The following UNC79 variants were observed in gnomAD, a reference collection of about 807,000 sequenced individuals.
UNC79 encodes unc-79 subunit of NALCN channel complex.
Under a neutral mutation model 283.1 loss-of-function variants are expected in UNC79, and 37 were observed. That is an observed-to-expected ratio of 0.13 (90% CI 0.10 to 0.17). The LOEUF (loss-of-function observed/expected upper bound fraction) is 0.17, where lower values mean the gene tolerates loss of function less well. UNC79 is among the 10% of genes least tolerant of loss of function. The pLI is 1.00. For missense variants in UNC79, 2,272 were observed against 3,211.1 expected (o/e 0.71, Z 7.07); for synonymous variants, 1,107 against 1,200.2 (o/e 0.92, Z 1.61).
intron 11 of UNC79, among the ~76,000 whole-genome samples, chr14:93,534,574 C>T (rs2060980677): frequency 6.6e-6 from 1 of 152,196 alleles, no homozygotes; most frequent in Non-Finnish European, 1.5e-5. Context: ...CCTGTTATAG[C>T]TGAGAGCCTC....
intron 1 of UNC79, among the ~76,000 whole-genome samples, chr14:93,337,456 A>T (rs549978221): frequency 6.6e-6 from 1 of 152,088 alleles, no homozygotes; most frequent in African/African-American, 2.4e-5. Context: ...ATGGTGACAT[A>T]CTCCCAGACT....
Position 93,576,359 on chromosome 14 carries a change from C to T in UNC79, c.2211+1161C>T, listed in dbSNP as rs74073822. Among the ~76,000 whole-genome samples, 1,503 of 152,164 alleles carry T rather than the reference C, an allele frequency of 9.9e-3. 16 individuals are homozygous for T. Among genetic ancestry groups the T allele is most frequent in the African/African-American group, 0.034 (1,410 of 41,506 alleles). The stretch of plus-strand genomic sequence containing the variant: ...TACCTAGGTGATAGGTTCAATCATA[C>T]CCCAAACCTCAGCATCATGCAATAT... On this transcript the variant is annotated intron_variant, in intron 17 of 48. Transcript: ENST00000555664.
intron 41 of UNC79, among the ~76,000 whole-genome samples, chr14:93,680,721 G>T (rs775416978): frequency 6.6e-6 from 1 of 152,150 alleles, no homozygotes; most frequent in Non-Finnish European, 1.5e-5. Context: ...AGCCTCCTGA[G>T]TAGCTGGGTT....
chr14:93,464,427 C>G (rs2057079164), intron 1 of UNC79: 1 of 429,272 alleles, frequency 2.3e-6, no homozygotes, highest in African/African-American at 2.0e-5. Context: ...TCCTAATCTC[C>G]TCTTAAAAGG....
chr14:93,556,636 G>A (rs946036046), intron 14 of UNC79, among the ~76,000 whole-genome samples: 2 of 151,656 alleles, frequency 1.3e-5, no homozygotes, highest in African/African-American at 4.8e-5. Flanking sequence ...CAGTGAGGGC[G>A]TGTGTGCCAG....
At chr14:93,456,601 T>C (rs1258004624) in intron 1 of UNC79, among the ~76,000 whole-genome samples, 1 of 152,160 alleles carries the variant, frequency 6.6e-6, no homozygotes, top group African/African-American at 2.4e-5. Flanking sequence ...CTCCTAAGAT[T>C]ATTTTTCCCA....
chr14:93,642,629 G>T (rs1158786926), intron 33 of UNC79, among the ~76,000 whole-genome samples: 1 of 152,012 alleles, frequency 6.6e-6, no homozygotes. Context: ...CTTCCTTTGG[G>T]ATTACCCCGC....
At chr14:93,615,780 A>G (rs747488306) in intron 27 of UNC79, among the ~76,000 whole-genome samples, 83 of 150,222 alleles carry the variant, frequency 5.5e-4, no homozygotes, top group Non-Finnish European at 9.8e-4. Flanking sequence ...AAAAAGAAAT[A>G]TAAGCTAAAA....
chr14:93,665,166 C>T (rs1052981866), intron 40 of UNC79, among the ~76,000 whole-genome samples: 1 of 148,336 alleles, frequency 6.7e-6, no homozygotes, highest in Non-Finnish European at 1.5e-5. Context: ...AATGACTATA[C>T]TTTAAATGAT....
At chr14:93,458,366 T>G (rs904786867) in intron 1 of UNC79, among the ~76,000 whole-genome samples, 8 of 152,252 alleles carry the variant, frequency 5.3e-5, no homozygotes, top group Non-Finnish European at 1.2e-4. Flanking sequence ...TTAAATGATT[T>G]GCTTGAAGTC....
chr14:93,582,340 T>C (rs745577134), exon 20 of UNC79: 2 of 1,613,822 alleles, frequency 1.2e-6, no homozygotes, highest in Admixed American at 1.7e-5. Flanking sequence ...CCGTGGAACA[T>C]GCTGGTAGGT....
chr14:93,617,891 C>T lies in UNC79; in HGVS notation c.4225-301C>T, dbSNP rs537797410. Among the ~76,000 whole-genome samples, 13 of 152,092 alleles carry T rather than the reference C, an allele frequency of 8.5e-5. No homozygotes were observed. Among genetic ancestry groups the T allele is most frequent in the Admixed American group, 7.2e-4 (11 of 15,268 alleles). Reference sequence around the variant, plus strand: ...AATCCCATCTCTACAAAAAATTAGCCAAGCATGGTTGCACGTGCCTGGTCC... The same window carrying T: ...AATCCCATCTCTACAAAAAATTAGCTAAGCATGGTTGCACGTGCCTGGTCC... On this transcript the variant is annotated intron_variant, in intron 28 of 48. Coordinates refer to ENST00000555664, the Ensembl canonical transcript of UNC79. The surrounding 1 kb of genome is among the most constrained non-coding windows in gnomAD (Gnocchi z 4.5).
intron 35 of UNC79, among the ~76,000 whole-genome samples, chr14:93,653,437 G>T (rs1162015978): frequency 6.6e-6 from 1 of 151,950 alleles, no homozygotes; most frequent in Non-Finnish European, 1.5e-5. Context: ...AGTCTTGACT[G>T]TCATTCTGTG....
At chr14:93,674,584 A>T (rs1056092234) in intron 41 of UNC79, among the ~76,000 whole-genome samples, 2 of 152,192 alleles carry the variant, frequency 1.3e-5, no homozygotes, top group African/African-American at 4.8e-5. Context: ...GCACTCGCTG[A>T]TGAGCATTAA....
intron 1 of UNC79, among the ~76,000 whole-genome samples, chr14:93,407,986 AC>A (rs1443820284): frequency 6.6e-6 from 1 of 152,154 alleles, no homozygotes; most frequent in Non-Finnish European, 1.5e-5. Flanking sequence ...CCAAATAAAC[AC>A]AAAACTGCAC....
At chr14:93,362,625 G>T (rs996491049) in intron 1 of UNC79, among the ~76,000 whole-genome samples, 1 of 152,308 alleles carries the variant, frequency 6.6e-6, no homozygotes, top group East Asian at 1.9e-4. Context: ...TGGGATTACA[G>T]ATGTTAGCCA....
chr14:93,517,429 C>T (rs1214217277), intron 7 of UNC79, among the ~76,000 whole-genome samples: 1 of 145,912 alleles, frequency 6.9e-6, no homozygotes, highest in African/African-American at 2.5e-5. Context: ...AGTATTTGGG[C>T]TTTCACCATT....
At chr14:93,597,278 A>T (rs1242429962) in intron 23 of UNC79, 81 bp from the exon 24 acceptor site, 17 of 1,466,344 alleles carry the variant, frequency 1.2e-5, no homozygotes, top group Non-Finnish European at 1.6e-5. Context: ...TTCAGTTCTC[A>T]GACTGGCTAA....
At position 93,439,031 on chromosome 14, in the gene UNC79, T is replaced by C. The variant is rs556627074; in HGVS notation, c.22+7980T>C. ...TTTAAAATTTTGAATACATGAAGGC[T>C]ATTGAGTTTTTGTATGCTGATTTTA... On this transcript the variant is annotated intron_variant, in intron 1 of 48. Transcript: ENST00000555664. Among the ~76,000 whole-genome samples the C allele has an allele frequency of 4.9e-3, 742 of 152,236 alleles. 5 individuals carry two copies. Among genetic ancestry groups the C allele is most frequent in the African/African-American group, 0.017 (695 of 41,584 alleles).
Sources: allele counts gnomAD v4.1 joint callset (sites outside exome capture counted in the v4.1 genomes callset), GRCh38; gene constraint gnomAD v4.1.1; non-coding constraint Gnocchi (gnomAD v3.1); transcripts MANE v1.5; gene names NCBI Gene and HGNC (gene_info 2026-07-23, HGNC 2026-07-21).